Variants in SYNRG observed in about 807,000 individuals in gnomAD.
The protein encoded by SYNRG is synergin gamma.
A neutral mutation model predicts 130.9 loss-of-function variants in SYNRG; 37 were observed. The observed-to-expected ratio is 0.28, with a 90% confidence interval of 0.22 to 0.37. The LOEUF (loss-of-function observed/expected upper bound fraction) is 0.37, where lower values mean the gene tolerates loss of function less well. Among genes scored for constraint, SYNRG ranks in the 10% least tolerant of loss-of-function variants. SYNRG has a pLI of 1.00. For missense variants in SYNRG, 1,338 were observed against 1,588.9 expected (o/e 0.84, Z 2.68); for synonymous variants, 539 against 568.1 (o/e 0.95, Z 0.73).
rs558690321 is a variant in SYNRG, at chr17:37,581,884, C to T, written c.589+2764G>A. Among the ~76,000 whole-genome samples, 3 of 152,074 alleles carry T rather than the reference C, an allele frequency of 2.0e-5. No individual in the cohort carries two copies. The East Asian group carries it at 5.8e-4, about 29-fold the overall frequency. ...GGTTCAAGAGATTCTCCTGCCTCAGCCTCCTGAATGGCTGGGATTACAGGC... is the reference window on the plus strand; with the variant it reads ...GGTTCAAGAGATTCTCCTGCCTCAGTCTCCTGAATGGCTGGGATTACAGGC... On this transcript the variant is annotated intron_variant, in intron 6 of 21. Coordinates refer to ENST00000612223, the MANE Select transcript of SYNRG (RefSeq NM_007247.6).
At chr17:37,596,037 G>A (rs905225471) in intron 3 of SYNRG, among the ~76,000 whole-genome samples, 186 bp downstream of exon 3, 8 of 152,274 alleles carry the variant, frequency 5.3e-5, no homozygotes, top group Non-Finnish European at 1.2e-4. Context: ...TTACAGGCAT[G>A]AGCCACTGCA....
intron 14 of SYNRG, among the ~76,000 whole-genome samples, chr17:37,551,933 G>A (rs559783479): frequency 1.7e-4 from 26 of 149,492 alleles, no homozygotes; most frequent in South Asian, 1.7e-3. Flanking sequence ...TCTTCAGACC[G>A]CCCACTGCAT....
At chr17:37,526,554 G>A (rs1005465263) in intron 19 of SYNRG, among the ~76,000 whole-genome samples, 1 of 152,168 alleles carries the variant, frequency 6.6e-6, no homozygotes, top group African/African-American at 2.4e-5. Context: ...TACAGTTGTG[G>A]ATTTCAGAAG....
At chr17:37,579,334 A>G (rs1218354339) in intron 6 of SYNRG, 1 of 1,304,290 alleles carries the variant, frequency 7.7e-7, no homozygotes, top group Admixed American at 2.3e-5. Flanking sequence ...CACATGGGGG[A>G]ACTTCAACAG....
chr17:37,608,991 C>T (rs1187397836), intron 1 of SYNRG, among the ~76,000 whole-genome samples: 1 of 145,330 alleles, frequency 6.9e-6, no homozygotes, highest in Non-Finnish European at 1.5e-5. Flanking sequence ...GCCCCGCCCC[C>T]CCCCACCCCA....
chr17:37,528,684 G>C (rs2056253679), intron 19 of SYNRG, among the ~76,000 whole-genome samples: 1 of 152,156 alleles, frequency 6.6e-6, no homozygotes, highest in African/African-American at 2.4e-5. Context: ...CAAATGATTT[G>C]AACTACATAG....
At chr17:37,545,865 T>C (rs1198224443) in intron 14 of SYNRG, among the ~76,000 whole-genome samples, 1 of 152,234 alleles carries the variant, frequency 6.6e-6, no homozygotes, top group East Asian at 1.9e-4. Flanking sequence ...TTTCGTAAAG[T>C]GTAATTCATT....
Position 37,539,200 on chromosome 17 carries a change from C to T in SYNRG, c.3412G>A (p.Ala1138Thr). The part of the protein sequence containing the change: ...AYEWQRCLGS[A>T]LNVIKKANDT... ...GTAAGTGACATACTCACATTCAGGG[C>T]ACTCCCCAGGCATCTCTGCCATTCA... The change falls in exon 17 of 22, where the codon GCC (alanine) becomes ACC (threonine). Residue 1138 changes from alanine to threonine, a missense_variant. By Grantham distance (58) the Ala-to-Thr change is moderately conservative (BLOSUM62 0). Transcript: ENST00000612223. 6.2e-7 allele frequency: 1 copy of T among 1,614,160 alleles called. No homozygotes were observed. Among genetic ancestry groups the T allele is most frequent in the Non-Finnish European group, 8.5e-7 (1 of 1,180,030 alleles).
intron 19 of SYNRG, among the ~76,000 whole-genome samples, chr17:37,531,151 T>C (rs182428416): frequency 1.1e-4 from 17 of 152,258 alleles, no homozygotes; most frequent in African/African-American, 3.9e-4. Flanking sequence ...AAGGATCACT[T>C]GAGCCTGGGA....
Position 37,518,892 on chromosome 17 carries a change from G to T in SYNRG, c.*48C>A, listed in dbSNP as rs753746565. 3.7e-6 allele frequency: 6 copies of T among 1,601,050 alleles called. No individual in the cohort carries two copies. The highest frequency in any genetic ancestry group is 5.1e-6 in the Non-Finnish European group (6 of 1,172,828). The stretch of plus-strand genomic sequence containing the variant: ...TCTATTTATTGGTCCCTGTCACCCC[G>T]TGGGGTGTCACAGAAAAAAAAAAGT... On this transcript the variant is annotated 3_prime_UTR_variant, in exon 22 of 22. Coordinates refer to ENST00000612223, the MANE Select transcript of SYNRG (RefSeq NM_007247.6).
intron 14 of SYNRG, among the ~76,000 whole-genome samples, chr17:37,552,566 C>T (rs910138383): frequency 6.6e-6 from 1 of 152,084 alleles, no homozygotes; most frequent in African/African-American, 2.4e-5. Context: ...CCCTGACATA[C>T]AGAACATTCA....
chr17:37,535,573 C>T (rs530251097), intron 19 of SYNRG, among the ~76,000 whole-genome samples: 91 of 152,138 alleles, frequency 6.0e-4, no homozygotes, highest in African/African-American at 2.2e-3. Context: ...GACCCAAGAA[C>T]CTAAAAAAAG....
chr17:37,596,471 G>A (rs2062783809), intron 2 of SYNRG, 127 bp from the exon 3 acceptor site: 1 of 943,342 alleles, frequency 1.1e-6, no homozygotes, highest in Middle Eastern at 3.2e-4. Context: ...AGGGTCCTGA[G>A]TGAGACAGAT....
At chr17:37,523,982 T>A (rs1490280504) in intron 19 of SYNRG, among the ~76,000 whole-genome samples, 1 of 152,156 alleles carries the variant, frequency 6.6e-6, no homozygotes, top group Non-Finnish European at 1.5e-5. Context: ...GGGTCGCCAA[T>A]CTGGACTCAG....
chr17:37,578,509 A>T (rs1409847691), intron 6 of SYNRG, among the ~76,000 whole-genome samples: 2 of 152,148 alleles, frequency 1.3e-5, no homozygotes, highest in African/African-American at 4.8e-5. Context: ...AAATCTGACA[A>T]CCTACATAAG....
At chr17:37,527,369 A>C (rs2056064425) in intron 19 of SYNRG, among the ~76,000 whole-genome samples, 1 of 152,232 alleles carries the variant, frequency 6.6e-6, no homozygotes, top group African/African-American at 2.4e-5. Flanking sequence ...ATCACATCTC[A>C]CTAAACCAGG....
At chr17:37,603,847 T>G (rs1307702611) in intron 1 of SYNRG, among the ~76,000 whole-genome samples, 5 of 152,240 alleles carry the variant, frequency 3.3e-5, no homozygotes, top group Non-Finnish European at 7.3e-5. Flanking sequence ...TAAAGTTACC[T>G]GCTGCATTAG....
intron 14 of SYNRG, among the ~76,000 whole-genome samples, chr17:37,545,235 T>A (rs879874113): frequency 5.6e-4 from 85 of 150,720 alleles, no homozygotes; most frequent in Middle Eastern, 3.4e-3. Flanking sequence ...AAAAAAATAA[T>A]AATAATAATA....
Position 37,536,134 on chromosome 17 carries a change from GGAT to G in SYNRG, c.3518-10_3518-8del, listed in dbSNP as rs1323852430. 6.2e-7 allele frequency: 1 copy of G among 1,603,842 alleles called. No individual in the cohort carries two copies. The highest frequency in any genetic ancestry group is 8.5e-7 in the Non-Finnish European group (1 of 1,174,620). On this transcript the variant is annotated splice_region_variant and splice_polypyrimidine_tract_variant and intron_variant, in intron 18 of 21. Coordinates refer to ENST00000612223, the MANE Select transcript of SYNRG (RefSeq NM_007247.6). ...CTGTACACTTCAACAACACCTGACGGGATGAGAGAGCAGAGAGAGAGTGTTGGC... is the reference window on the plus strand; with the variant it reads ...CTGTACACTTCAACAACACCTGACGGGAGAGAGCAGAGAGAGAGTGTTGGC...
Sources: gnomAD v4.1 joint callset for allele counts (sites outside exome capture counted in the v4.1 genomes callset) on GRCh38, gnomAD v4.1.1 for gene constraint, MANE v1.5 for transcripts, NCBI Gene and HGNC (gene_info 2026-07-23, HGNC 2026-07-21) for gene names.